DACH2: variants seen among roughly 807,000 people sequenced by gnomAD.
The protein encoded by DACH2 is dachshund family transcription factor 2, also known as dachshund homolog 2.
A neutral mutation model predicts 35.8 loss-of-function variants in DACH2; 17 were observed. The observed-to-expected ratio is 0.48, with a 90% CI of 0.33 to 0.71. The LOEUF (loss-of-function observed/expected upper bound fraction) is 0.71. Among genes scored for constraint, DACH2 ranks in the 30% least tolerant of loss-of-function variants. The pLI, the probability that DACH2 is intolerant of heterozygous loss-of-function variation, is 0.02. For missense variants in DACH2, 469 were observed against 472.7 expected (o/e 0.99, Z 0.07); for synonymous variants, 195 against 177.3 (o/e 1.10, Z -0.79).
chrX:86,299,444 A>G (rs2034532341), intron 1 of DACH2, among the ~76,000 whole-genome samples: 1 of 111,973 alleles, frequency 8.9e-6, no homozygotes, highest in African/African-American at 3.2e-5. Flanking sequence ...GACAGTGCTC[A>G]GCACAAAGTA....
intron 3 of DACH2, among the ~76,000 whole-genome samples, chrX:86,618,934 G>A (rs1303921714): frequency 9.0e-6 from 1 of 111,666 alleles, no homozygotes; most frequent in East Asian, 2.8e-4. Flanking sequence ...CCATGACTTA[G>A]GTTCAGTTCT....
At chrX:86,288,656 A>T (rs1043517109) in intron 1 of DACH2, among the ~76,000 whole-genome samples, 2 of 111,872 alleles carry the variant, frequency 1.8e-5, no homozygotes, top group Admixed American at 1.9e-4. Flanking sequence ...AGCCTCACCC[A>T]GTGGCTACCA....
chrX:86,827,686 A>C (rs973968788), intron 11 of DACH2: 1 of 869,657 alleles, frequency 1.1e-6, no homozygotes, highest in African/African-American at 2.0e-5. Context: ...TGTGGTTTTC[A>C]GTGAAGTGCA....
intron 3 of DACH2, among the ~76,000 whole-genome samples, chrX:86,563,696 C>T (rs1320262362): frequency 9.1e-6 from 1 of 110,191 alleles, no homozygotes; most frequent in Middle Eastern, 4.6e-3. Context: ...CAGTCACTCA[C>T]TAGTTCTGTG....
chrX:86,246,487 T>C (rs1039985387), intron 1 of DACH2, among the ~76,000 whole-genome samples: 6 of 111,884 alleles, frequency 5.4e-5, no homozygotes, highest in African/African-American at 1.9e-4. Flanking sequence ...GACGCTATAA[T>C]CCAGAAGAGA....
intron 1 of DACH2, among the ~76,000 whole-genome samples, chrX:86,279,480 G>T (rs923484718): frequency 9.0e-6 from 1 of 111,646 alleles, no homozygotes; most frequent in African/African-American, 3.3e-5. Flanking sequence ...GAAAGGAATA[G>T]CATTAACATC....
At chrX:86,581,825 A>G (rs981472580) in intron 3 of DACH2, among the ~76,000 whole-genome samples, 1 of 111,472 alleles carries the variant, frequency 9.0e-6, no homozygotes, top group African/African-American at 3.3e-5. Flanking sequence ...AGTGTTAGAC[A>G]GATTATTGAG....
intron 3 of DACH2, among the ~76,000 whole-genome samples, chrX:86,650,654 T>C (rs766944685): frequency 1.4e-4 from 16 of 111,782 alleles, no homozygotes; most frequent in African/African-American, 5.2e-4. Context: ...TTTTAAACTA[T>C]TTGCATTTTA....
chrX:86,810,366 A>ACTC (rs2042383379), intron 7 of DACH2, among the ~76,000 whole-genome samples: 1 of 111,049 alleles, frequency 9.0e-6, no homozygotes, highest in African/African-American at 3.3e-5. Flanking sequence ...TATTTTAAGA[A>ACTC]CTCTCTCCTT....
chrX:86,729,693 G>T (rs1406715798), intron 6 of DACH2, among the ~76,000 whole-genome samples: 2 of 111,672 alleles, frequency 1.8e-5, no homozygotes, highest in Non-Finnish European at 3.8e-5. Flanking sequence ...AATGTCTCAG[G>T]CCATCCCCTT....
intron 7 of DACH2, among the ~76,000 whole-genome samples, chrX:86,751,393 G>C (rs2041771239): frequency 9.1e-6 from 1 of 110,435 alleles, no homozygotes; most frequent in South Asian, 3.8e-4. Flanking sequence ...TGCTAAGTGA[G>C]ACTAGTGTGA....
At chrX:86,654,897 T>C (rs183734668) in intron 4 of DACH2, among the ~76,000 whole-genome samples, 28 of 111,606 alleles carry the variant, frequency 2.5e-4, no homozygotes, top group Non-Finnish European at 9.4e-5. Flanking sequence ...TACTGGAAAG[T>C]GAAACTACTA....
intron 1 of DACH2, among the ~76,000 whole-genome samples, chrX:86,195,100 G>A (rs893659902): frequency 8.8e-6 from 1 of 113,011 alleles, no homozygotes; most frequent in African/African-American, 3.2e-5. Flanking sequence ...CCCACAGCAA[G>A]CCTGCACATC....
intron 1 of DACH2, among the ~76,000 whole-genome samples, chrX:86,174,119 GTTTTTTT>G (rs140747201): frequency 1.4e-5 from 1 of 71,764 alleles, no homozygotes; most frequent in Admixed American, 1.6e-4. Context: ...GAGTACAGTT[GTTTTTTT>G]TTTTTTTTTT....
intron 4 of DACH2, among the ~76,000 whole-genome samples, chrX:86,677,571 G>T (rs5923588): frequency 0.3 from 33,864 of 111,070 alleles, 4,233 homozygotes; most frequent in Middle Eastern, 0.44. Context: ...GTATTTGGAG[G>T]TGGATATTAG....
intron 6 of DACH2, among the ~76,000 whole-genome samples, chrX:86,725,844 G>A (rs1602856510): frequency 9.0e-6 from 1 of 111,282 alleles, no homozygotes; most frequent in Non-Finnish European, 1.9e-5. Context: ...TAGCACATGT[G>A]GGTGGGTATC....
intron 1 of DACH2, chrX:86,160,974 G>A (rs1313319678): frequency 1.4e-5 from 12 of 857,826 alleles, no homozygotes; most frequent in African/African-American, 2.0e-5. Flanking sequence ...CTCAAGCAGC[G>A]TGGTTCCACT....
intron 3 of DACH2, among the ~76,000 whole-genome samples, chrX:86,534,806 T>C (rs750307552): frequency 8.9e-6 from 1 of 112,135 alleles, no homozygotes; most frequent in African/African-American, 3.2e-5. Context: ...TTTTCTCCTA[T>C]GTCCCATTTG....
At chrX:86,425,491 T>C (rs1320315525) in intron 2 of DACH2, among the ~76,000 whole-genome samples, 1 of 111,248 alleles carries the variant, frequency 9.0e-6, no homozygotes, top group East Asian at 2.8e-4. Context: ...CAGCCACTAA[T>C]GATCCTTTGA....
Sources: allele counts gnomAD v4.1 joint callset (sites outside exome capture counted in the v4.1 genomes callset), GRCh38; gene constraint gnomAD v4.1.1; transcripts MANE v1.5; gene names NCBI Gene and HGNC (gene_info 2026-07-23, HGNC 2026-07-21).